Variants in PRKCE observed in about 807,000 individuals in gnomAD.
The protein encoded by PRKCE is protein kinase C epsilon type.
In PRKCE, 16 loss-of-function variants were observed where a neutral mutation model predicts 85.4. That is an observed-to-expected ratio of 0.19 (90% confidence interval 0.13 to 0.28). The LOEUF is 0.28. PRKCE is among the 10% of genes least tolerant of loss of function. The probability of loss-of-function intolerance (pLI) is 1.00; values close to 1 mark genes in which losing one functional copy is unlikely to be tolerated. For missense variants in PRKCE, 573 were observed against 975.2 expected (o/e 0.59, Z 5.49); for synonymous variants, 388 against 371.5 (o/e 1.04, Z -0.51).
At chr2:46,100,490 G>T (rs1435397473) in intron 11 of PRKCE, among the ~76,000 whole-genome samples, 2 of 152,226 alleles carry the variant, frequency 1.3e-5, no homozygotes, top group African/African-American at 4.8e-5. Context: ...CCGAGGAGCA[G>T]GGATGCTTGC....
chr2:45,913,459 G>A (rs912695721), intron 2 of PRKCE, among the ~76,000 whole-genome samples: 3 of 152,190 alleles, frequency 2.0e-5, no homozygotes, highest in Non-Finnish European at 2.9e-5. Context: ...CAGCAAGAGC[G>A]CTTGGCTCCT....
intron 11 of PRKCE, among the ~76,000 whole-genome samples, chr2:46,123,969 T>C (rs1354341708): frequency 6.6e-6 from 1 of 152,250 alleles, no homozygotes; most frequent in African/African-American, 2.4e-5. Flanking sequence ...AGTTGGCATG[T>C]GTCAAACAAT....
At chr2:46,064,209 G>T (rs1014009186) in intron 10 of PRKCE, among the ~76,000 whole-genome samples, 6 of 150,894 alleles carry the variant, frequency 4.0e-5, no homozygotes, top group Non-Finnish European at 8.8e-5. Context: ...TTGAACCTGG[G>T]AGGTGGAGGT....
intron 2 of PRKCE, among the ~76,000 whole-genome samples, chr2:45,917,547 C>T (rs944786912): frequency 3.3e-5 from 5 of 152,240 alleles, no homozygotes; most frequent in Non-Finnish European, 7.3e-5. Context: ...ATTTACAATT[C>T]CTGAGCTAGA....
At chr2:46,097,965 AG>A (rs1397616686) in intron 11 of PRKCE, among the ~76,000 whole-genome samples, 2 of 152,216 alleles carry the variant, frequency 1.3e-5, no homozygotes, top group Non-Finnish European at 2.9e-5. Context: ...CATTCCTTGG[AG>A]GAAGCCGCGT....
intron 14 of PRKCE, among the ~76,000 whole-genome samples, chr2:46,173,990 C>T (rs1425713958): frequency 2.6e-5 from 4 of 152,214 alleles, no homozygotes; most frequent in African/African-American, 4.8e-5. Context: ...TTCCGTCAAA[C>T]AGCAGACCTG....
intron 1 of PRKCE, among the ~76,000 whole-genome samples, chr2:45,827,044 C>T (rs1233469153): frequency 6.6e-6 from 1 of 152,210 alleles, no homozygotes; most frequent in East Asian, 1.9e-4. Context: ...GCAGTCTCTC[C>T]TCTGGCTTCC....
intron 1 of PRKCE, among the ~76,000 whole-genome samples, chr2:45,659,826 G>A (rs1192146427): frequency 4.1e-5 from 6 of 146,526 alleles, no homozygotes; most frequent in Admixed American, 2.7e-4. Context: ...CTTCATATGC[G>A]CCTTTCCTGC....
intron 10 of PRKCE, among the ~76,000 whole-genome samples, chr2:46,054,146 A>G (rs1329542615): frequency 1.3e-5 from 2 of 152,218 alleles, no homozygotes; most frequent in African/African-American, 4.8e-5. Context: ...GCACTTTAGA[A>G]ATGATTAACT....
At chr2:45,975,964 C>T (rs543306710) in intron 2 of PRKCE, among the ~76,000 whole-genome samples, 1 of 152,302 alleles carries the variant, frequency 6.6e-6, no homozygotes, top group South Asian at 2.1e-4. Context: ...CATCTCATTG[C>T]GTCCTCTAAG....
intron 11 of PRKCE, among the ~76,000 whole-genome samples, chr2:46,099,393 CATTTATTACCAAGATCTTAAGCATCA>C (rs1292520160): frequency 6.6e-6 from 1 of 152,102 alleles, no homozygotes; most frequent in African/African-American, 2.4e-5. Flanking sequence ...ACACAATGTG[CATTTATTACCAAGATCTTAAGCATCA>C]ATAGTCACAA....
At chr2:46,064,181 C>T (rs559570079) in intron 10 of PRKCE, among the ~76,000 whole-genome samples, 1 of 149,610 alleles carries the variant, frequency 6.7e-6, no homozygotes, top group Non-Finnish European at 1.5e-5. Context: ...ACTCAGGAGG[C>T]TGAGGCAGGA....
intron 2 of PRKCE, among the ~76,000 whole-genome samples, chr2:45,899,836 A>G (rs1257875993): frequency 6.6e-6 from 1 of 152,104 alleles, no homozygotes; most frequent in Non-Finnish European, 1.5e-5. Context: ...GCCTGACACC[A>G]CCTGGGGAGA....
chr2:45,728,585 G>C (rs7563114), intron 1 of PRKCE, among the ~76,000 whole-genome samples: 55,977 of 151,960 alleles, frequency 0.37, 10,442 homozygotes, highest in South Asian at 0.49. Flanking sequence ...TTGTATCTTA[G>C]TCACAGACTT....
chr2:46,096,038 T>C (rs1374798778), intron 11 of PRKCE, among the ~76,000 whole-genome samples: 2 of 152,226 alleles, frequency 1.3e-5, no homozygotes, highest in Non-Finnish European at 2.9e-5. Context: ...TCACTGGCAC[T>C]GTGTCAGGTC....
chr2:45,683,713 C>G (rs1387681375), intron 1 of PRKCE, among the ~76,000 whole-genome samples: 1 of 152,220 alleles, frequency 6.6e-6, no homozygotes. Context: ...AGAGCTGGAA[C>G]TGTATACTGA....
chr2:45,942,417 C>G (rs1558865091), intron 2 of PRKCE, among the ~76,000 whole-genome samples: 1 of 152,134 alleles, frequency 6.6e-6, no homozygotes, highest in Non-Finnish European at 1.5e-5. Context: ...TCCCTGAAAT[C>G]CATTGAGAGG....
intron 10 of PRKCE, among the ~76,000 whole-genome samples, chr2:46,073,177 C>T (rs926553119): frequency 6.6e-6 from 1 of 152,120 alleles, no homozygotes; most frequent in African/African-American, 2.4e-5. Flanking sequence ...AACATCCAGC[C>T]GAGGCCAGCA....
rs1428302460 is a variant in PRKCE at position 45,907,472 on chromosome 2, C to T, written c.412+64409C>T. 1.3e-5 allele frequency among the ~76,000 whole-genome samples: 2 copies of T among 152,174 alleles called. No homozygotes were observed. Among genetic ancestry groups the T allele is most frequent in the Non-Finnish European group, 2.9e-5 (2 of 68,016 alleles). Reference sequence around the variant, plus strand: ...AAAACCAAGACGAGTTTTGTCCCTGCCACAGAGGTAACAATGGACGAAGCA... The same window carrying T: ...AAAACCAAGACGAGTTTTGTCCCTGTCACAGAGGTAACAATGGACGAAGCA... On this transcript the variant is annotated intron_variant, in intron 2 of 14. Coordinates refer to ENST00000306156, the MANE Select transcript of PRKCE (RefSeq NM_005400.3). This position sits in a 1 kb window ranked among gnomAD's most constrained non-coding sequence, Gnocchi z 4.5.
Sources: allele counts gnomAD v4.1 joint callset (sites outside exome capture counted in the v4.1 genomes callset), GRCh38; gene constraint gnomAD v4.1.1; non-coding constraint Gnocchi (gnomAD v3.1); transcripts MANE v1.5; gene names NCBI Gene and HGNC (gene_info 2026-07-23, HGNC 2026-07-21).